The following CNST variants were observed in gnomAD, a reference collection of about 807,000 sequenced individuals.
CNST encodes the protein consortin.
Under a neutral mutation model 72.4 loss-of-function variants are expected in CNST, and 39 were observed. That is an observed-to-expected ratio of 0.54 (90% CI 0.42 to 0.70). The LOEUF (loss-of-function observed/expected upper bound fraction) is 0.70, where lower values mean the gene tolerates loss of function less well. Ranked by LOEUF, CNST falls within the 30% of genes least tolerant of loss-of-function variation. The probability of loss-of-function intolerance (pLI) is 0.00; values close to 1 mark genes in which losing one functional copy is unlikely to be tolerated. For synonymous variants in CNST, 332 were observed against 320.1 expected (o/e 1.04, Z -0.40); for missense variants, 871 against 868.5 (o/e 1.00, Z -0.04).
At chr1:246,645,454 G>A (rs1665992204) in intron 8 of CNST, among the ~76,000 whole-genome samples, 1 of 130,292 alleles carries the variant, frequency 7.7e-6, no homozygotes, top group Non-Finnish European at 1.6e-5. Context: ...TTGAGATGGA[G>A]TCTCGCTCTG....
At chr1:246,567,864 A>G (rs1459102305) in intron 1 of CNST, among the ~76,000 whole-genome samples, 2 of 152,146 alleles carry the variant, frequency 1.3e-5, no homozygotes, top group African/African-American at 4.8e-5. Context: ...TCCCCTTAAA[A>G]AACATTTTCA....
intron 2 of CNST, among the ~76,000 whole-genome samples, chr1:246,616,423 TGG>T (rs1663694884): frequency 6.6e-6 from 1 of 152,016 alleles, no homozygotes; most frequent in African/African-American, 2.4e-5. Flanking sequence ...CCGGGCTTGG[TGG>T]TGTGTGCCTG....
At chr1:246,662,319 T>C (rs972744501) in intron 10 of CNST, among the ~76,000 whole-genome samples, 6 of 152,210 alleles carry the variant, frequency 3.9e-5, no homozygotes, top group Non-Finnish European at 8.8e-5. Context: ...GTGAGGCACA[T>C]GTATGATTTT....
intron 1 of CNST, among the ~76,000 whole-genome samples, chr1:246,590,891 A>AT (rs1348565098): frequency 7.0e-6 from 1 of 143,568 alleles, no homozygotes; most frequent in East Asian, 2.0e-4. Context: ...GTTCAAAAGG[A>AT]TTTTGATGAC....
At chr1:246,585,844 C>CT (rs1424827039) in intron 1 of CNST, among the ~76,000 whole-genome samples, 6 of 151,774 alleles carry the variant, frequency 4.0e-5, no homozygotes, top group African/African-American at 1.5e-4. Context: ...CTTTGGGAGG[C>CT]TGAGGTGGCA....
chr1:246,583,966 A>G (rs1394951465), intron 1 of CNST, among the ~76,000 whole-genome samples: 1 of 152,138 alleles, frequency 6.6e-6, no homozygotes, highest in African/African-American at 2.4e-5. Flanking sequence ...TTAAGAGGCA[A>G]GGTCTTGCTG....
intron 9 of CNST, among the ~76,000 whole-genome samples, chr1:246,652,527 G>A (rs1666506219): frequency 6.6e-6 from 1 of 152,208 alleles, no homozygotes; most frequent in African/African-American, 2.4e-5. Flanking sequence ...GATATGCTGT[G>A]TGGAGATAAA....
intron 1 of CNST, among the ~76,000 whole-genome samples, chr1:246,590,718 G>A (rs1483230154): frequency 6.6e-6 from 1 of 152,020 alleles, no homozygotes; most frequent in Non-Finnish European, 1.5e-5. Context: ...TACACTTGTA[G>A]ATAATAAGAG....
At chr1:246,618,816 T>C (rs1432574104) in intron 2 of CNST, among the ~76,000 whole-genome samples, 2 of 152,230 alleles carry the variant, frequency 1.3e-5, no homozygotes, top group Non-Finnish European at 2.9e-5. Flanking sequence ...AAATCGATGC[T>C]AACTAAATAA....
rs201675101 is a variant in CNST, at chr1:246,575,667, A to AT, written c.-52+9007dup. Among the ~76,000 whole-genome samples, 660 of 152,236 alleles carry AT rather than the reference A, an allele frequency of 4.3e-3. 3 individuals are homozygous for AT. Among genetic ancestry groups the AT allele is most frequent in the African/African-American group, 0.015 (633 of 41,514 alleles). On this transcript the variant is annotated intron_variant, in intron 1 of 10. Transcript: ENST00000366513. ...GATGTTCTAGAATTGATTGTGTACA[A>AT]TTTGTGAATACTAAAAGCTATTGAA...
At chr1:246,647,052 A>C in intron 8 of CNST, 87 bp from the exon 9 acceptor site, 1 of 1,165,404 alleles carries the variant, frequency 8.6e-7, no homozygotes. Flanking sequence ...ATATTGCTGT[A>C]TTACACATAT....
intron 2 of CNST, chr1:246,607,300 T>G (rs1662921942): frequency 6.6e-6 from 1 of 152,060 alleles, no homozygotes. Context: ...TGTTCACTCC[T>G]GCGGGCTCCC....
intron 1 of CNST, among the ~76,000 whole-genome samples, chr1:246,568,861 G>A (rs140055910): frequency 5.2e-4 from 79 of 152,138 alleles, no homozygotes; most frequent in African/African-American, 1.7e-3. Flanking sequence ...GAGCCACCAC[G>A]CCTTTAAAAT....
rs201926228 is a variant in CNST, at chr1:246,579,733, C to T, written c.-51-11779C>T. ...TTGCCCCACTGCACTCCAGCCTGGG[C>T]GACAGAGTGAGACTCTGTCTCAAAT... On this transcript the variant is annotated intron_variant, in intron 1 of 10. Coordinates refer to ENST00000366513, the MANE Select transcript of CNST (RefSeq NM_152609.3). 7.9e-4 allele frequency among the ~76,000 whole-genome samples: 120 copies of T among 152,148 alleles called. 2 individuals are homozygous for T. The East Asian group carries it at 0.018, about 23-fold the overall frequency.
At chr1:246,593,675 A>G (rs1661693396) in intron 2 of CNST, among the ~76,000 whole-genome samples, 1 of 152,146 alleles carries the variant, frequency 6.6e-6, no homozygotes, top group Admixed American at 6.5e-5. Flanking sequence ...TAAGCAGAGG[A>G]TATTTACAGT....
At chr1:246,665,311 G>T (rs1225067372) in intron 10 of CNST, among the ~76,000 whole-genome samples, 1 of 152,240 alleles carries the variant, frequency 6.6e-6, no homozygotes, top group Non-Finnish European at 1.5e-5. Flanking sequence ...TGTCAGGGCT[G>T]CAGTGAGCCA....
intron 10 of CNST, among the ~76,000 whole-genome samples, chr1:246,663,272 G>A (rs12069242): frequency 0.013 from 2,003 of 151,380 alleles, 40 homozygotes; most frequent in African/African-American, 0.044. Context: ...TGGGAGGATC[G>A]CTTGAGCCCA....
intron 10 of CNST, among the ~76,000 whole-genome samples, chr1:246,664,633 A>T (rs139273954): frequency 2.6e-5 from 4 of 151,940 alleles, no homozygotes; most frequent in East Asian, 1.9e-4. Flanking sequence ...TCACCGTGTC[A>T]GCCAGGATGG....
chr1:246,663,366 G>A (rs1308745931), intron 10 of CNST, among the ~76,000 whole-genome samples: 1 of 150,786 alleles, frequency 6.6e-6, no homozygotes, highest in Admixed American at 6.6e-5. Context: ...AGACAAGACC[G>A]AACTGTCCAA....
Sources: allele counts gnomAD v4.1 joint callset (sites outside exome capture counted in the v4.1 genomes callset), GRCh38; gene constraint gnomAD v4.1.1; transcripts MANE v1.5; gene names NCBI Gene and HGNC (gene_info 2026-07-23, HGNC 2026-07-21).